PARL: variants seen among roughly 807,000 people sequenced by gnomAD.
The protein encoded by PARL is presenilin-associated rhomboid-like protein, mitochondrial.
PARL carries 44 observed loss-of-function variants against 51.6 expected under a neutral mutation model. The ratio of observed to expected loss-of-function variants is 0.85; its 90% CI spans 0.67 to 1.10. The LOEUF (loss-of-function observed/expected upper bound fraction) is 1.10, where lower values mean the gene tolerates loss of function less well. PARL is among the 50% of genes least tolerant of loss of function. PARL has a pLI of 0.00. For missense variants in PARL, 441 were observed against 469.5 expected (o/e 0.94, Z 0.56); for synonymous variants, 172 against 164.0 (o/e 1.05, Z -0.37).
intron 7 of PARL, among the ~76,000 whole-genome samples, chr3:183,839,731 T>TA (rs1273849311): frequency 2.1e-5 from 3 of 145,942 alleles, no homozygotes; most frequent in African/African-American, 5.1e-5. Context: ...AAAACACACT[T>TA]AAAAAAAAAT....
chr3:183,868,169 T>C (rs1159250007), intron 1 of PARL, 109 bp from the exon 2 acceptor site: 1 of 816,926 alleles, frequency 1.2e-6, no homozygotes, highest in Non-Finnish European at 2.1e-6. Context: ...ATTCTCACTC[T>C]ACAGTCCAAA....
chr3:183,884,623 G>A, intron 1 of PARL, 99 bp downstream of exon 1: 1 of 1,224,834 alleles, frequency 8.2e-7, no homozygotes, highest in Non-Finnish European at 1.2e-6. Flanking sequence ...GGGTGAGCTG[G>A]GGCCAGCACA....
At chr3:183,828,791 CAA>C (rs1290149229), downstream of PARL, among the ~76,000 whole-genome samples, 2 of 152,280 alleles carry the variant, frequency 1.3e-5, no homozygotes, top group East Asian at 1.9e-4. Flanking sequence ...TTGAAGCCAT[CAA>C]AAGACTAAAA....
At chr3:183,864,303 T>A (rs1205332107) in intron 3 of PARL, among the ~76,000 whole-genome samples, 1 of 152,036 alleles carries the variant, frequency 6.6e-6, no homozygotes, top group Non-Finnish European at 1.5e-5. Flanking sequence ...CTTCTCAGGC[T>A]CTTGCTGGCC....
intron 4 of PARL, among the ~76,000 whole-genome samples, chr3:183,857,394 T>C (rs1475185274): frequency 1.3e-5 from 2 of 152,228 alleles, no homozygotes; most frequent in Non-Finnish European, 2.9e-5. Flanking sequence ...CTATGTATAT[T>C]ATACCTCAAT....
chr3:183,830,012 G>A (rs540265234), intron 9 of PARL, among the ~76,000 whole-genome samples: 10 of 152,254 alleles, frequency 6.6e-5, no homozygotes, highest in African/African-American at 2.4e-4. Flanking sequence ...AAGCAACCAG[G>A]TCTGAAAGAA....
At chr3:183,873,976 T>C (rs867597103) in intron 1 of PARL, among the ~76,000 whole-genome samples, 9 of 152,192 alleles carry the variant, frequency 5.9e-5, no homozygotes, top group African/African-American at 1.4e-4. Flanking sequence ...CCTCGATTTA[T>C]TGTACTTCAC....
At chr3:183,843,394 G>A (rs946143853) in intron 5 of PARL, 2 of 512,224 alleles carry the variant, frequency 3.9e-6, no homozygotes, top group Non-Finnish European at 5.0e-6. Context: ...GCATGCACCT[G>A]TAGTCCCAGC....
chr3:183,853,196 A>C (rs1401982680), intron 4 of PARL, among the ~76,000 whole-genome samples: 1 of 152,266 alleles, frequency 6.6e-6, no homozygotes, highest in African/African-American at 2.4e-5. Flanking sequence ...AAAAGCAGAA[A>C]TAAATCACAG....
intron 6 of PARL, among the ~76,000 whole-genome samples, chr3:183,841,019 T>A (rs557138139): frequency 6.6e-6 from 1 of 152,218 alleles, no homozygotes; most frequent in Admixed American, 6.5e-5. Flanking sequence ...ACCTGCTGCA[T>A]GATCTGCTGA....
At chr3:183,865,982 C>T (rs1010414563) in intron 3 of PARL, among the ~76,000 whole-genome samples, 2 of 151,422 alleles carry the variant, frequency 1.3e-5, no homozygotes, top group East Asian at 3.9e-4. Context: ...TGGGTTCAGG[C>T]GATTCTCCTG....
intron 9 of PARL, among the ~76,000 whole-genome samples, chr3:183,833,111 G>A (rs916739854): frequency 6.6e-6 from 1 of 152,202 alleles, no homozygotes; most frequent in African/African-American, 2.4e-5. Context: ...CGAGACAGAG[G>A]TCAGGGTAGC....
At chr3:183,843,128 C>G (rs1411362021) in intron 5 of PARL, 1 of 825,192 alleles carries the variant, frequency 1.2e-6, no homozygotes, top group African/African-American at 1.8e-5. Context: ...AAGCAGTTCA[C>G]CTGCCTCAGC....
intron 7 of PARL, among the ~76,000 whole-genome samples, chr3:183,839,185 A>G (rs372952239): frequency 1.3e-5 from 2 of 152,240 alleles, no homozygotes; most frequent in East Asian, 3.8e-4. Context: ...AGTGTAAACA[A>G]ATTTGGGGAA....
chr3:183,842,713 C>T (rs113675952), intron 5 of PARL, among the ~76,000 whole-genome samples: 34 of 137,890 alleles, frequency 2.5e-4, no homozygotes, highest in Non-Finnish European at 5.2e-4. Context: ...AAGGCTGAGG[C>T]GGGAGAATCA....
chr3:183,847,548 A>G (rs1007989215), intron 4 of PARL, among the ~76,000 whole-genome samples: 1 of 152,058 alleles, frequency 6.6e-6, no homozygotes, highest in East Asian at 1.9e-4. Context: ...TGGGCGACAG[A>G]GGGAGACCCT....
Position 183,842,295 on chromosome 3 carries a change from T to C in PARL, c.757+3A>G. The C allele has an allele frequency of 2.5e-6, 4 of 1,612,102 alleles. No homozygotes were observed. The highest frequency in any genetic ancestry group is 3.4e-6 in the Non-Finnish European group (4 of 1,179,696). ...CAAAGGCCCCGAGATTAAAGCATAT[T>C]ACCTGCAGATAGGTACACTGCCATG... On this transcript the variant is annotated splice_donor_region_variant and intron_variant, in intron 6 of 9. Transcript: ENST00000317096.
downstream of PARL, among the ~76,000 whole-genome samples, chr3:183,827,815 G>A (rs1014919016): frequency 1.3e-5 from 2 of 152,220 alleles, no homozygotes; most frequent in African/African-American, 4.8e-5. Flanking sequence ...TAAGAGTACA[G>A]AGAGATTCTG....
chr3:183,828,429 T>C (rs1043146856), downstream of PARL, among the ~76,000 whole-genome samples: 20 of 152,186 alleles, frequency 1.3e-4, no homozygotes, highest in Non-Finnish European at 2.4e-4. Flanking sequence ...CGTGTGCCGT[T>C]TCCTCGCTGG....
Sources: gnomAD v4.1 joint callset for allele counts (sites outside exome capture counted in the v4.1 genomes callset) on GRCh38, gnomAD v4.1.1 for gene constraint, MANE v1.5 for transcripts, NCBI Gene and HGNC (gene_info 2026-07-23, HGNC 2026-07-21) for gene names.